OSBPL9: variants seen among roughly 807,000 people sequenced by gnomAD.
The protein encoded by OSBPL9 is oxysterol binding protein like 9, also known as oxysterol-binding protein-related protein 9.
Under a neutral mutation model 106.6 loss-of-function variants are expected in OSBPL9, and 40 were observed. The observed-to-expected ratio is 0.38, with a 90% CI of 0.29 to 0.49. OSBPL9 has a LOEUF of 0.49. Among genes scored for constraint, OSBPL9 ranks in the 20% least tolerant of loss-of-function variants. The pLI is 0.97. For missense variants in OSBPL9, 609 were observed against 887.2 expected (o/e 0.69, Z 3.98); for synonymous variants, 269 against 295.4 (o/e 0.91, Z 0.92).
intron 1 of OSBPL9, among the ~76,000 whole-genome samples, chr1:51,649,068 T>A (rs1205180412): frequency 6.6e-6 from 1 of 152,086 alleles, no homozygotes; most frequent in Non-Finnish European, 1.5e-5. Flanking sequence ...CCCTTCAGGA[T>A]CTGGTCCCTG....
chr1:51,700,490 C>T (rs576224556), intron 3 of OSBPL9, among the ~76,000 whole-genome samples: 2 of 152,292 alleles, frequency 1.3e-5, no homozygotes, highest in East Asian at 3.9e-4. Context: ...TTTTATCTTT[C>T]ATGACCTTGA....
the OSBPL9 span, among the ~76,000 whole-genome samples, chr1:51,529,442 A>G: frequency 1.4e-3 from 215 of 152,072 alleles, no homozygotes; most frequent in Non-Finnish European, 2.3e-3. Flanking sequence ...ACAGGGTTTC[A>G]CCGTGTTAGC....
the OSBPL9 span, among the ~76,000 whole-genome samples, chr1:51,533,825 T>C: frequency 6.6e-6 from 1 of 150,622 alleles, no homozygotes; most frequent in African/African-American, 2.4e-5. Context: ...TTTTTTTCTT[T>C]TGTTTTTTCT....
At chr1:51,697,857 C>G (rs1383119454) in intron 3 of OSBPL9, among the ~76,000 whole-genome samples, 2 of 150,320 alleles carry the variant, frequency 1.3e-5, no homozygotes, top group African/African-American at 4.9e-5. Flanking sequence ...ATAAACCAGG[C>G]ATTATTGAGA....
chr1:51,528,209 C>T, the OSBPL9 span, among the ~76,000 whole-genome samples: 1 of 151,622 alleles, frequency 6.6e-6, no homozygotes. Flanking sequence ...AAATAAAAAA[C>T]ATCCATATTG....
Position 51,776,903 on chromosome 1 carries a change from C to T in OSBPL9, c.1241C>T (p.Pro414Leu), listed in dbSNP as rs1557859051. The T allele has an allele frequency of 3.1e-6, 5 of 1,610,352 alleles. No homozygotes were observed. The highest frequency in any genetic ancestry group is 2.5e-6 in the Non-Finnish European group (3 of 1,176,866). The change falls in exon 15 of 24, where the codon CCG becomes CTG. Residue 414 changes from proline to leucine, a missense_variant. Around this residue, in one of 5 missense-constraint regions of OSBPL9, gnomAD observed 356 missense variants for 505.8 expected, o/e 0.70. Transcript: ENST00000428468. ...LEMYADFFAH[P>L]DLFVSISDQK... ...ATGTATGCAGACTTTTTTGCACATC[C>T]GGACCTGTTTGTGAGGTATTTGACT...
intron 20 of OSBPL9, chr1:51,785,273 G>A (rs893811289): frequency 1.3e-5 from 2 of 154,214 alleles, no homozygotes; most frequent in African/African-American, 2.4e-5. Flanking sequence ...TTGCTGTGTT[G>A]CTTATCTTCT....
At chr1:51,563,380 C>T in the OSBPL9 span, among the ~76,000 whole-genome samples, 1 of 152,202 alleles carries the variant, frequency 6.6e-6, no homozygotes, top group Non-Finnish European at 1.5e-5. Context: ...TTCCACCACT[C>T]TGGACAAACT....
intron 11 of OSBPL9, among the ~76,000 whole-genome samples, chr1:51,764,215 T>C (rs746558690): frequency 2.6e-4 from 39 of 152,350 alleles, no homozygotes; most frequent in Non-Finnish European, 4.9e-4. Flanking sequence ...TTGTTTGCAG[T>C]TCCCACTCAA....
intron 2 of OSBPL9, among the ~76,000 whole-genome samples, chr1:51,663,330 C>G (rs1335734911): frequency 7.6e-6 from 1 of 131,554 alleles, no homozygotes; most frequent in Non-Finnish European, 1.6e-5. Context: ...GTGTGTAAAA[C>G]GTGTGTAGCT....
chr1:51,755,496 A>G (rs1670144114), intron 8 of OSBPL9, among the ~76,000 whole-genome samples: 8 of 152,180 alleles, frequency 5.3e-5, no homozygotes, highest in Admixed American at 3.3e-4. Flanking sequence ...TGTACTTTGA[A>G]TTTTGAGTTT....
At chr1:51,746,599 A>T in intron 5 of OSBPL9, 111 bp from the exon 6 acceptor site, 3 of 753,818 alleles carry the variant, frequency 4.0e-6, no homozygotes, top group Non-Finnish European at 6.5e-6. Context: ...CATATAAATC[A>T]TCCCTGGACA....
intron 2 of OSBPL9, among the ~76,000 whole-genome samples, chr1:51,657,586 C>T (rs1338039391): frequency 6.6e-6 from 1 of 152,144 alleles, no homozygotes; most frequent in Non-Finnish European, 1.5e-5. Context: ...TACTGTAAGT[C>T]ATTATAAGGT....
chr1:51,727,696 C>T (rs1388460628), intron 4 of OSBPL9, among the ~76,000 whole-genome samples: 1 of 152,134 alleles, frequency 6.6e-6, no homozygotes, highest in Non-Finnish European at 1.5e-5. Context: ...AATTATGACT[C>T]TATAAAGTTA....
At chr1:51,565,583 TTAAAA>T in the OSBPL9 span, 1 of 152,244 alleles carries the variant, frequency 6.6e-6, no homozygotes, top group Non-Finnish European at 1.5e-5. Flanking sequence ...CACGTAAGTA[TTAAAA>T]TAATACCTGT....
At chr1:51,664,097 C>G (rs1407212040) in intron 2 of OSBPL9, among the ~76,000 whole-genome samples, 1 of 152,136 alleles carries the variant, frequency 6.6e-6, no homozygotes, top group Admixed American at 6.5e-5. Flanking sequence ...TATGCATATC[C>G]TGTGACCTAG....
chr1:51,756,284 A>C, intron 8 of OSBPL9, 36 bp from the exon 9 acceptor site: 1 of 1,578,702 alleles, frequency 6.3e-7, no homozygotes, highest in Non-Finnish European at 8.7e-7. Flanking sequence ...CTTACATGTA[A>C]GAATGAAGTT....
At chr1:51,585,591 C>T (rs913997158) in intron 1 of OSBPL9, among the ~76,000 whole-genome samples, 15 of 152,128 alleles carry the variant, frequency 9.9e-5, no homozygotes, top group African/African-American at 3.1e-4. Flanking sequence ...GCCTGACCAA[C>T]ATGGTGAAAC....
At chr1:51,527,327 A>ATGG in the OSBPL9 span, among the ~76,000 whole-genome samples, 16,287 of 140,282 alleles carry the variant, frequency 0.12, 989 homozygotes, top group South Asian at 0.22. Context: ...TCCAATGATG[A>ATGG]TGGTGATGAT....
Sources: allele counts gnomAD v4.1 joint callset (sites outside exome capture counted in the v4.1 genomes callset), GRCh38; gene constraint gnomAD v4.1.1; regional missense constraint gnomAD v4.1.1; transcripts MANE v1.5; gene names NCBI Gene and HGNC (gene_info 2026-07-23, HGNC 2026-07-21).